The following USP48 variants were observed in gnomAD, a reference collection of about 807,000 sequenced individuals.
The protein encoded by USP48 is ubiquitin specific peptidase 48.
In USP48, 43 loss-of-function variants were observed where a neutral mutation model predicts 150.7. The ratio of observed to expected loss-of-function variants is 0.29; its 90% CI spans 0.22 to 0.37. The LOEUF (loss-of-function observed/expected upper bound fraction) is 0.37, where lower values mean the gene tolerates loss of function less well. Among genes scored for constraint, USP48 ranks in the 10% least tolerant of loss-of-function variants. The pLI is 1.00. For synonymous variants in USP48, 396 were observed against 425.9 expected, an observed-to-expected ratio of 0.93 and a Z score of 0.86; for missense variants, 813 against 1,249.6, an observed-to-expected ratio of 0.65 and a Z score of 5.27.
At chr1:21,680,864 A>C (rs201478705) in intron 25 of USP48, 30 bp from the exon 26 acceptor site, 1 of 1,553,196 alleles carries the variant, frequency 6.4e-7, no homozygotes, top group Non-Finnish European at 8.7e-7. Flanking sequence ...AAGAATTCCA[A>C]ATTGAAAAGA....
chr1:21,719,530 G>A (rs567796108), intron 14 of USP48, among the ~76,000 whole-genome samples: 150 of 152,228 alleles, frequency 9.9e-4, no homozygotes, highest in African/African-American at 2.2e-3. Flanking sequence ...TGGGAGGATC[G>A]CTTGAGCACA....
chr1:21,703,594 C>A lies in USP48; in HGVS notation c.2540G>T (p.Gly847Val). The A allele has an allele frequency of 6.2e-7, 1 of 1,609,788 alleles. No homozygotes were observed. Among genetic ancestry groups the A allele is most frequent in the South Asian group, 1.1e-5 (1 of 91,002 alleles). ...EPKLCPECRE[G>V]LLCQQQRDLR... ...GTCCCTCTGCTGCTGACACAATAAGCCTTCTCTGCATTCTGGACAGAGTTC... is the reference window on the plus strand; with the variant it reads ...GTCCCTCTGCTGCTGACACAATAAGACTTCTCTGCATTCTGGACAGAGTTC... The change falls in exon 21 of 27, where the codon GGC becomes GTC. Residue 847 changes from glycine (G) to valine (V), a missense_variant. Physicochemically the swap from Gly to Val is moderately radical, Grantham distance 109 (BLOSUM62 -3). Coordinates refer to ENST00000308271, the MANE Select transcript of USP48 (RefSeq NM_032236.8).
At chr1:21,782,464 GT>G in intron 1 of USP48, among the ~76,000 whole-genome samples, 1 of 152,320 alleles carries the variant, frequency 6.6e-6, no homozygotes, top group African/African-American at 2.4e-5. Flanking sequence ...AAGATACACT[GT>G]GATGAAGCTC....
intron 15 of USP48, among the ~76,000 whole-genome samples, chr1:21,711,294 A>C (rs1229852115): frequency 1.3e-5 from 2 of 152,152 alleles, no homozygotes; most frequent in African/African-American, 4.8e-5. Context: ...TCATGAAGTA[A>C]AGGTAGGGAT....
At chr1:21,684,830 CT>C (rs2097576415) in intron 25 of USP48, among the ~76,000 whole-genome samples, 1 of 152,000 alleles carries the variant, frequency 6.6e-6, no homozygotes, top group Non-Finnish European at 1.5e-5. Flanking sequence ...TTCTTGGTGC[CT>C]TTGTCATAAA....
intron 25 of USP48, among the ~76,000 whole-genome samples, chr1:21,682,819 G>T (rs2097569854): frequency 6.6e-6 from 1 of 151,264 alleles, no homozygotes; most frequent in African/African-American, 2.4e-5. Flanking sequence ...AGATTGTAGT[G>T]AGCCAAGATC....
intron 4 of USP48, 127 bp downstream of exon 4, chr1:21,752,865 G>C: frequency 7.6e-7 from 1 of 1,312,966 alleles, no homozygotes; most frequent in Non-Finnish European, 1.0e-6. Flanking sequence ...AGTAAATAAA[G>C]GTTTTCATTC....
At position 21,717,972 on chromosome 1, in the gene USP48, G is replaced by T. The variant is rs147940328; in HGVS notation, c.1895-2515C>A. 4.2e-3 allele frequency among the ~76,000 whole-genome samples: 635 copies of T among 152,246 alleles called. 5 individuals are homozygous for T. Among genetic ancestry groups the T allele is most frequent in the African/African-American group, 0.014 (588 of 41,556 alleles). On this transcript the variant is annotated intron_variant, in intron 14 of 26. Coordinates refer to ENST00000308271, the MANE Select transcript of USP48 (RefSeq NM_032236.8). ...AAAACAAAACAAAACTGATGTGACG[G>T]ATGTATTCTTTATGTTGACAAAAGC...
intron 9 of USP48, among the ~76,000 whole-genome samples, chr1:21,734,157 T>C (rs1002252000): frequency 3.3e-5 from 5 of 152,200 alleles, no homozygotes; most frequent in African/African-American, 1.2e-4. Context: ...CCAACACTTT[T>C]GGGAGGCCAA....
At chr1:21,703,791 G>A (rs1160185236) in intron 20 of USP48, among the ~76,000 whole-genome samples, 173 bp from the exon 21 acceptor site, 1 of 152,212 alleles carries the variant, frequency 6.6e-6, no homozygotes, top group Non-Finnish European at 1.5e-5. Context: ...GGGTACAGTG[G>A]TATGAACATA....
At chr1:21,701,698 C>T (rs564585720) in intron 21 of USP48, 96 bp from the exon 22 acceptor site, 54 of 847,164 alleles carry the variant, frequency 6.4e-5, no homozygotes, top group Middle Eastern at 4.7e-4. Flanking sequence ...TTTATCAAGA[C>T]GAGGAACACC....
At chr1:21,714,842 A>G (rs2097700036) in intron 15 of USP48, among the ~76,000 whole-genome samples, 1 of 152,252 alleles carries the variant, frequency 6.6e-6, no homozygotes, top group South Asian at 2.1e-4. Flanking sequence ...TGGTCAATAC[A>G]CAAACAAGAA....
chr1:21,774,398 A>G (rs2097891671), intron 1 of USP48, among the ~76,000 whole-genome samples: 2 of 151,788 alleles, frequency 1.3e-5, no homozygotes, highest in African/African-American at 4.8e-5. Context: ...ATTTTTTAAG[A>G]AAGAATAGGA....
intron 1 of USP48, among the ~76,000 whole-genome samples, chr1:21,778,849 G>A (rs922566436): frequency 2.4e-4 from 36 of 151,216 alleles, no homozygotes; most frequent in Admixed American, 1.9e-3. Context: ...TCCCGGGTTC[G>A]TGCCATTCTC....
rs188370703 is a variant in USP48 at position 21,767,011 on chromosome 1, C to G, written c.135-9228G>C. Among the ~76,000 whole-genome samples the G allele has an allele frequency of 4.6e-3, 702 of 152,154 alleles. 5 individuals carry two copies. The highest frequency in any genetic ancestry group is 0.016 in the African/African-American group (666 of 41,502). On this transcript the variant is annotated intron_variant, in intron 1 of 26. Transcript: ENST00000308271. ...CCCAGGAGGCGGAGGTTGCAGTGAG[C>G]CAAGATCATGCCATTGTACTCCAGC...
At chr1:21,776,389 T>C (rs774619566) in intron 1 of USP48, among the ~76,000 whole-genome samples, 9 of 151,988 alleles carry the variant, frequency 5.9e-5, no homozygotes, top group Non-Finnish European at 5.9e-5. Flanking sequence ...GAAAAATACA[T>C]ATTGGTGATA....
intron 26 of USP48, among the ~76,000 whole-genome samples, chr1:21,680,052 T>C (rs1041590071): frequency 6.6e-6 from 1 of 152,210 alleles, no homozygotes; most frequent in Admixed American, 6.5e-5. Context: ...AGGAGTCCCT[T>C]TGTAATGGTA....
chr1:21,780,146 G>A (rs1002329745), intron 1 of USP48, among the ~76,000 whole-genome samples: 13 of 152,154 alleles, frequency 8.5e-5, no homozygotes, highest in African/African-American at 3.1e-4. Flanking sequence ...GCAAAAGGTG[G>A]AAATAATCAA....
At chr1:21,760,352 T>C (rs1449672045) in intron 1 of USP48, among the ~76,000 whole-genome samples, 8 of 152,230 alleles carry the variant, frequency 5.3e-5, no homozygotes, top group African/African-American at 1.9e-4. Flanking sequence ...AGTAAAAGAC[T>C]GGAAATTTAT....
Sources: allele counts gnomAD v4.1 joint callset (sites outside exome capture counted in the v4.1 genomes callset), GRCh38; gene constraint gnomAD v4.1.1; transcripts MANE v1.5; gene names NCBI Gene and HGNC (gene_info 2026-07-23, HGNC 2026-07-21).